Variants in CMTM8 observed in about 807,000 individuals in gnomAD.
The protein encoded by CMTM8 is CKLF like MARVEL transmembrane domain containing 8, also known as CKLF-like MARVEL transmembrane domain-containing protein 8.
In CMTM8, 12 loss-of-function variants were observed where a neutral mutation model predicts 18.6. The observed-to-expected ratio is 0.65, with a 90% CI of 0.41 to 1.05. The LOEUF is 1.05. CMTM8 is among the 50% of genes least tolerant of loss of function. The pLI is 0.00. For synonymous variants in CMTM8, 87 were observed against 90.6 expected (o/e 0.96, Z 0.23); for missense variants, 217 against 227.2 (o/e 0.95, Z 0.29).
chr3:32,271,116 A>C (rs528766069), intron 1 of CMTM8, among the ~76,000 whole-genome samples: 1 of 152,056 alleles, frequency 6.6e-6, no homozygotes, highest in Admixed American at 6.6e-5. Context: ...AGAGGTAACC[A>C]CTATCCTGTT....
At position 32,255,567 on chromosome 3, in the gene CMTM8, C is replaced by T. The variant is rs578103741; in HGVS notation, c.147+16448C>T. Among the ~76,000 whole-genome samples the T allele has an allele frequency of 2.7e-4, 41 of 152,126 alleles. No homozygotes were observed. The East Asian group carries it at 6.0e-3, about 22-fold the overall frequency. On this transcript the variant is annotated intron_variant, in intron 1 of 3. Transcript: ENST00000307526. ...TGATTTTTCATTTTGCTGGAGGTAC[C>T]TTTTTGAGTAATTATTTTAGAAAGG...
chr3:32,308,814 C>T (rs894536705), intron 1 of CMTM8, among the ~76,000 whole-genome samples: 3 of 152,176 alleles, frequency 2.0e-5, no homozygotes, highest in Non-Finnish European at 4.4e-5. Flanking sequence ...TATGGTGCAA[C>T]TGTCACATGA....
intron 1 of CMTM8, among the ~76,000 whole-genome samples, chr3:32,282,495 T>C (rs1391456354): frequency 6.6e-6 from 1 of 152,144 alleles, no homozygotes; most frequent in African/African-American, 2.4e-5. Context: ...TAAAAAAATA[T>C]ATACCCAGAA....
chr3:32,295,476 A>AAAAAAAAAAAAAAAG (rs1702860500), intron 1 of CMTM8, among the ~76,000 whole-genome samples: 2 of 92,826 alleles, frequency 2.2e-5, no homozygotes, highest in Admixed American at 1.4e-4. Flanking sequence ...AAAAAAAAAA[A>AAAAAAAAAAAAAAAG]AACAAAACAA....
At chr3:32,320,461 G>A (rs1391089874) in intron 1 of CMTM8, among the ~76,000 whole-genome samples, 2 of 152,180 alleles carry the variant, frequency 1.3e-5, no homozygotes, top group East Asian at 3.9e-4. Context: ...TGGTTACCTT[G>A]GCCTGAGGGT....
intron 1 of CMTM8, among the ~76,000 whole-genome samples, chr3:32,326,963 G>A (rs978624939): frequency 1.3e-5 from 2 of 152,182 alleles, no homozygotes; most frequent in Admixed American, 1.3e-4. Flanking sequence ...TGCAGTGCTA[G>A]TTTTCTATTT....
chr3:32,326,539 CAG>C (rs1696161067), intron 1 of CMTM8, among the ~76,000 whole-genome samples: 2 of 119,534 alleles, frequency 1.7e-5, no homozygotes, highest in Admixed American at 2.0e-4. Flanking sequence ...TTTTTTTTGA[CAG>C]AGTCTCGCTC....
chr3:32,331,471 G>A (rs537669424), intron 1 of CMTM8, among the ~76,000 whole-genome samples: 3 of 148,082 alleles, frequency 2.0e-5, no homozygotes, highest in Admixed American at 1.4e-4. Flanking sequence ...TCTGGGTATA[G>A]ATCCAAAAGA....
chr3:32,285,583 T>C (rs1702669263), intron 1 of CMTM8, among the ~76,000 whole-genome samples: 1 of 151,710 alleles, frequency 6.6e-6, no homozygotes, highest in Non-Finnish European at 1.5e-5. Flanking sequence ...CTATGTGAAG[T>C]GTATTGCGCT....
At chr3:32,313,412 C>A (rs528220936) in intron 1 of CMTM8, among the ~76,000 whole-genome samples, 39 of 152,212 alleles carry the variant, frequency 2.6e-4, no homozygotes, top group Non-Finnish European at 1.3e-4. Context: ...TTAGCAGGCT[C>A]CCACCTCAGC....
At chr3:32,365,732 C>T (rs1023286894) in intron 2 of CMTM8, among the ~76,000 whole-genome samples, 2 of 152,186 alleles carry the variant, frequency 1.3e-5, no homozygotes, top group Non-Finnish European at 2.9e-5. Context: ...CAGGTGTGAG[C>T]CACTGCACCC....
At chr3:32,349,234 G>T (rs1378873076) in intron 1 of CMTM8, among the ~76,000 whole-genome samples, 5 of 152,082 alleles carry the variant, frequency 3.3e-5, no homozygotes, top group African/African-American at 4.8e-5. Context: ...CTCTCTGGAT[G>T]CTCTGAGCAT....
chr3:32,280,846 C>CAAAAAAAAAAAAAAAAAAAAAA, intron 1 of CMTM8, among the ~76,000 whole-genome samples: 1 of 68,170 alleles, frequency 1.5e-5, no homozygotes, highest in Non-Finnish European at 2.6e-5. Context: ...AGAAAATAGG[C>CAAAAAAAAAAAAAAAAAAAAAA]AAAAAAAAAA....
At chr3:32,261,225 C>G (rs6550112) in intron 1 of CMTM8, among the ~76,000 whole-genome samples, 150,887 of 151,942 alleles carry the variant, frequency 0.99, 74,935 homozygotes, top group Middle Eastern at 1. Flanking sequence ...GTTTTACAAT[C>G]CAAGTTAATA....
At chr3:32,359,723 A>G (rs1161689626) in intron 2 of CMTM8, among the ~76,000 whole-genome samples, 2 of 152,202 alleles carry the variant, frequency 1.3e-5, no homozygotes, top group Non-Finnish European at 2.9e-5. Context: ...TATTACATTA[A>G]AAATTTTAAA....
intron 1 of CMTM8, among the ~76,000 whole-genome samples, chr3:32,289,135 A>G (rs1702737194): frequency 6.6e-6 from 1 of 152,218 alleles, no homozygotes; most frequent in South Asian, 2.1e-4. Context: ...CTTCTGTCTG[A>G]AGAGGTCACT....
intron 1 of CMTM8, among the ~76,000 whole-genome samples, chr3:32,340,004 A>G (rs1358164370): frequency 6.6e-6 from 1 of 152,152 alleles, no homozygotes; most frequent in Non-Finnish European, 1.5e-5. Flanking sequence ...GCAGGGGTAG[A>G]AGGAGGAGGC....
chr3:32,251,816 G>A (rs569167457), intron 1 of CMTM8, among the ~76,000 whole-genome samples: 1 of 151,412 alleles, frequency 6.6e-6, no homozygotes, highest in East Asian at 1.9e-4. Flanking sequence ...TTGGTTGGGT[G>A]TGGTGGCTCA....
intron 2 of CMTM8, among the ~76,000 whole-genome samples, chr3:32,357,930 G>C (rs1016667402): frequency 6.6e-6 from 1 of 152,198 alleles, no homozygotes; most frequent in Non-Finnish European, 1.5e-5. Context: ...CTCTCCTGGG[G>C]CTGTGGCCTT....
Sources: gnomAD v4.1 joint callset for allele counts (sites outside exome capture counted in the v4.1 genomes callset) on GRCh38, gnomAD v4.1.1 for gene constraint, MANE v1.5 for transcripts, NCBI Gene and HGNC (gene_info 2026-07-23, HGNC 2026-07-21) for gene names.